Variants in PCDH11X observed in about 807,000 individuals in gnomAD.
PCDH11X encodes the protein protocadherin-11 X-linked.
A neutral mutation model predicts 53.3 loss-of-function variants in PCDH11X; 18 were observed. The observed-to-expected ratio is 0.34, with a 90% CI of 0.23 to 0.50. PCDH11X has a LOEUF of 0.50. PCDH11X is among the 20% of genes least tolerant of loss of function. The pLI, the probability that PCDH11X is intolerant of heterozygous loss-of-function variation, is 0.98. For synonymous variants in PCDH11X, 279 were observed against 393.3 expected (o/e 0.71, Z 3.44); for missense variants, 570 against 1,032.4 (o/e 0.55, Z 6.14).
chrX:92,501,625 G>A (rs1365592052), intron 10 of PCDH11X, among the ~76,000 whole-genome samples: 5 of 111,336 alleles, frequency 4.5e-5, no homozygotes, highest in Non-Finnish European at 9.4e-5. Flanking sequence ...AAAACCACAC[G>A]ATCATTTCAA....
At chrX:91,794,872 G>A (rs1935679070) in intron 1 of PCDH11X, among the ~76,000 whole-genome samples, 2 of 110,342 alleles carry the variant, frequency 1.8e-5, no homozygotes, top group South Asian at 3.9e-4. Flanking sequence ...AATCATAGGG[G>A]CGGGTTTTTC....
chrX:91,965,971 G>A (rs1251727105), intron 6 of PCDH11X, among the ~76,000 whole-genome samples: 1 of 111,238 alleles, frequency 9.0e-6, no homozygotes, highest in Non-Finnish European at 1.9e-5. Context: ...AAGGAGATGG[G>A]AGCTCAGTCT....
At chrX:92,250,921 T>C (rs1001488198) in intron 7 of PCDH11X, among the ~76,000 whole-genome samples, 2 of 109,982 alleles carry the variant, frequency 1.8e-5, no homozygotes, top group African/African-American at 6.6e-5. Context: ...AAATTGGCCA[T>C]GGCGATTGTT....
intron 6 of PCDH11X, among the ~76,000 whole-genome samples, chrX:91,912,945 A>G (rs1941424852): frequency 8.9e-6 from 1 of 112,141 alleles, no homozygotes; most frequent in Admixed American, 9.4e-5. Context: ...CTGAAAATCC[A>G]GATCACAAGA....
At chrX:91,861,757 G>A (rs964953592) in intron 5 of PCDH11X, among the ~76,000 whole-genome samples, 2 of 111,692 alleles carry the variant, frequency 1.8e-5, no homozygotes, top group African/African-American at 6.5e-5. Flanking sequence ...TGTGCAGATC[G>A]GTTGAAAAAG....
chrX:92,138,464 A>G (rs752991636), intron 6 of PCDH11X, among the ~76,000 whole-genome samples: 68 of 111,505 alleles, frequency 6.1e-4, no homozygotes, highest in African/African-American at 1.9e-3. Context: ...TAATTTAAAA[A>G]TTAAAGAATA....
At chrX:92,132,635 GTATA>G (rs796606879) in intron 6 of PCDH11X, among the ~76,000 whole-genome samples, 9,520 of 61,746 alleles carry the variant, frequency 0.15, 653 homozygotes, top group East Asian at 0.63. Flanking sequence ...ATATATATAT[GTATA>G]TATATATATA....
chrX:92,101,090 T>C (rs2064239298), intron 6 of PCDH11X, among the ~76,000 whole-genome samples: 1 of 112,057 alleles, frequency 8.9e-6, no homozygotes, highest in South Asian at 3.7e-4. Flanking sequence ...ATTTATTTAC[T>C]TCAAGAGTTA....
chrX:92,445,947 C>T (rs939977196), intron 9 of PCDH11X, among the ~76,000 whole-genome samples: 7 of 110,750 alleles, frequency 6.3e-5, no homozygotes, highest in Non-Finnish European at 1.3e-4. Flanking sequence ...TGTTCCTACT[C>T]TTTGATTCCA....
intron 10 of PCDH11X, among the ~76,000 whole-genome samples, chrX:92,551,812 C>T (rs965457775): frequency 1.8e-5 from 2 of 110,294 alleles, no homozygotes; most frequent in Non-Finnish European, 3.8e-5. Flanking sequence ...ACTGTCTTTT[C>T]CCAAGAGTAT....
intron 10 of PCDH11X, among the ~76,000 whole-genome samples, chrX:92,594,656 GGT>G (rs2148800667): frequency 9.2e-6 from 1 of 109,136 alleles, no homozygotes; most frequent in East Asian, 2.9e-4. Context: ...GACTCTGACA[GGT>G]GCACTTGAAT....
chrX:92,513,515 T>C (rs974637896), intron 10 of PCDH11X, among the ~76,000 whole-genome samples: 128 of 107,872 alleles, frequency 1.2e-3, no homozygotes, highest in Non-Finnish European at 2.0e-3. Context: ...AGGTAAAATT[T>C]CATGAGGTTT....
At chrX:92,112,074 T>G (rs2148159896) in intron 6 of PCDH11X, among the ~76,000 whole-genome samples, 1 of 97,331 alleles carries the variant, frequency 1.0e-5, no homozygotes, top group Admixed American at 1.2e-4. Flanking sequence ...CTCATTTTTC[T>G]AAACTGCACT....
intron 6 of PCDH11X, among the ~76,000 whole-genome samples, chrX:92,129,756 G>A (rs189821111): frequency 0.015 from 1,708 of 111,312 alleles, 13 homozygotes; most frequent in Middle Eastern, 0.037. Flanking sequence ...TTCAGGGGTA[G>A]GGAGGGCTCA....
chrX:92,522,739 TCTG>T (rs2074387943), intron 10 of PCDH11X, among the ~76,000 whole-genome samples: 1 of 112,514 alleles, frequency 8.9e-6, no homozygotes, highest in South Asian at 3.6e-4. Flanking sequence ...AAATAGTCCT[TCTG>T]AAGAAGAGGA....
At chrX:92,329,388 T>C (rs887237965) in intron 8 of PCDH11X, among the ~76,000 whole-genome samples, 1 of 111,271 alleles carries the variant, frequency 9.0e-6, no homozygotes, top group Non-Finnish European at 1.9e-5. Flanking sequence ...AGAATGTCCC[T>C]TCTCACAACC....
chrX:91,916,848 GGACGTAACAAAAAAAGAAAACTACA>G (rs1188994016), intron 6 of PCDH11X, among the ~76,000 whole-genome samples: 1 of 110,099 alleles, frequency 9.1e-6, no homozygotes, highest in African/African-American at 3.3e-5. Flanking sequence ...TATCAAGAAA[GGACGTAACAAAAAAAGAAAACTACA>G]GACCAATATC....
At chrX:92,118,931 C>T (rs374944847) in intron 6 of PCDH11X, among the ~76,000 whole-genome samples, 9 of 106,150 alleles carry the variant, frequency 8.5e-5, no homozygotes, top group East Asian at 3.0e-4. Flanking sequence ...TTAGTAAAGA[C>T]GGGGTTTCAC....
At chrX:92,340,398 C>T (rs948370779) in intron 8 of PCDH11X, among the ~76,000 whole-genome samples, 2 of 112,074 alleles carry the variant, frequency 1.8e-5, no homozygotes, top group African/African-American at 6.5e-5. Context: ...CTGCACTGTT[C>T]TACTAGAGTT....
Sources: allele counts gnomAD v4.1 joint callset (sites outside exome capture counted in the v4.1 genomes callset), GRCh38; gene constraint gnomAD v4.1.1; transcripts MANE v1.5; gene names NCBI Gene and HGNC (gene_info 2026-07-23, HGNC 2026-07-21).